Variants in SPG11 observed in about 807,000 individuals in gnomAD.
SPG11 encodes SPG11 vesicle trafficking associated, spatacsin, also known as spatacsin.
Under a neutral mutation model 274.0 loss-of-function variants are expected in SPG11, and 222 were observed. The ratio of observed to expected loss-of-function variants is 0.81; its 90% CI spans 0.73 to 0.91. SPG11 has a LOEUF of 0.91. Among genes scored for constraint, SPG11 ranks in the 40% least tolerant of loss-of-function variants. The pLI is 0.00. For missense variants in SPG11, 3,114 were observed against 2,872.7 expected (o/e 1.08, Z -1.92); for synonymous variants, 1,144 against 1,039.7 (o/e 1.10, Z -1.93).
intron 22 of SPG11, 114 bp from the exon 23 acceptor site, chr15:44,598,487 A>C: frequency 8.0e-7 from 1 of 1,243,520 alleles, no homozygotes; most frequent in Non-Finnish European, 1.2e-6. Flanking sequence ...AGTGCCCAAG[A>C]AAGTGAGACA....
chr15:44,663,352 T>G, intron 1 of SPG11, 39 bp downstream of exon 1: 1 of 1,592,752 alleles, frequency 6.3e-7, no homozygotes. Flanking sequence ...GCCTAGGCTC[T>G]GGACTCCCCC....
Position 44,646,799 on chromosome 15 carries a change from G to C in SPG11, c.1602+2067C>G, listed in dbSNP as rs147232308. On this transcript the variant is annotated intron_variant, in intron 7 of 39. Transcript: ENST00000261866. ...ACAGTACACATGAACAAAAAGAAGA[G>C]AACAACAGACACTGGGGCTTACTTG... Among the ~76,000 whole-genome samples the C allele has an allele frequency of 3.7e-3, 569 of 152,192 alleles. 4 individuals are homozygous for C. Among genetic ancestry groups the C allele is most frequent in the Admixed American group, 6.1e-3 (93 of 15,280 alleles).
chr15:44,570,372 G>C (rs1398306363), intron 34 of SPG11, among the ~76,000 whole-genome samples, 153 bp downstream of exon 34: 1 of 152,214 alleles, frequency 6.6e-6, no homozygotes, highest in East Asian at 1.9e-4. Context: ...TTGGAGCAGA[G>C]GGTTGGGCTG....
intron 30 of SPG11, among the ~76,000 whole-genome samples, chr15:44,582,483 G>C (rs757763178): frequency 6.6e-6 from 1 of 152,208 alleles, no homozygotes; most frequent in Non-Finnish European, 1.5e-5. Context: ...GAAAGGCAGA[G>C]GTTGCAGTGA....
chr15:44,564,946 C>T (rs1290532328), intron 38 of SPG11, among the ~76,000 whole-genome samples: 2 of 152,192 alleles, frequency 1.3e-5, no homozygotes, highest in African/African-American at 4.8e-5. Context: ...CTATGTTGCC[C>T]AGGCTGGACC....
At chr15:44,658,901 A>G (rs899375067) in intron 3 of SPG11, among the ~76,000 whole-genome samples, 178 bp downstream of exon 3, 3 of 152,254 alleles carry the variant, frequency 2.0e-5, no homozygotes, top group Non-Finnish European at 4.4e-5. Context: ...CTAAAATATA[A>G]AGCAATATAC....
At chr15:44,585,603 A>T (rs951023819) in intron 29 of SPG11, 33 bp downstream of exon 29, 6 of 130,452 alleles carry the variant, frequency 4.6e-5, no homozygotes, top group South Asian at 1.9e-4. Context: ...CCCCGTATCT[A>T]AAAAAAAAAA....
At chr15:44,623,783 G>T (rs2083820626) in intron 11 of SPG11, among the ~76,000 whole-genome samples, 1 of 151,888 alleles carries the variant, frequency 6.6e-6, no homozygotes, top group Admixed American at 6.6e-5. Context: ...TTGAGACAGG[G>T]TCTCGCTCTG....
intron 20 of SPG11, among the ~76,000 whole-genome samples, chr15:44,601,030 T>C (rs2083172744): frequency 6.6e-6 from 1 of 152,110 alleles, no homozygotes; most frequent in African/African-American, 2.4e-5. Flanking sequence ...TGCATGCCTG[T>C]AATCCCAGCT....
At position 44,563,221 on chromosome 15, in the gene SPG11, T is replaced by C; in HGVS notation, c.7232A>G (p.Tyr2411Cys). 1 of 1,614,144 alleles carries C rather than the reference T, an allele frequency of 6.2e-7. No individual in the cohort carries two copies. Among genetic ancestry groups the C allele is most frequent in the Non-Finnish European group, 8.5e-7 (1 of 1,179,954 alleles). ...CTTGTGTTCGTATGCCAACTTGTAA[T>C]ACAGGTAAACATCTTCACAATATGT... ...LLTYCEDVYLYYKLAYEHKFY... is the reference protein window; with the variant it reads ...LLTYCEDVYLCYKLAYEHKFY... Residue 2411 changes from tyrosine (Y) to cysteine (C), a missense_variant, in exon 40 of 40, where the codon TAT becomes TGT. Transcript: ENST00000261866.
At chr15:44,624,341 A>G (rs199713659) in intron 11 of SPG11, among the ~76,000 whole-genome samples, 10 of 151,908 alleles carry the variant, frequency 6.6e-5, no homozygotes, top group East Asian at 3.9e-4. Context: ...AGAAAAAAAA[A>G]AGAGAGAGAG....
At position 44,596,925 on chromosome 15, in the gene SPG11, G is replaced by T; in HGVS notation, c.4020C>A (p.Ser1340Arg). The T allele has an allele frequency of 6.2e-7, 1 of 1,613,942 alleles. No homozygotes were observed. Among genetic ancestry groups the T allele is most frequent in the South Asian group, 1.1e-5 (1 of 91,068 alleles). Residue 1340 changes from serine (S) to arginine (R), a missense_variant, in exon 24 of 40, where the codon AGC becomes AGA. Coordinates refer to ENST00000261866, the MANE Select transcript of SPG11 (RefSeq NM_025137.4). ...ACTGCACCACTAATGCCCATTGGCT[G>T]CTAGATTCACTGGATAACCTATAAT... Reference protein sequence around the residue: ...QEIKRLSSESSSQWALVVQFC... With the variant: ...QEIKRLSSESRSQWALVVQFC...
At chr15:44,575,186 C>T (rs749091540) in intron 30 of SPG11, 145 bp from the exon 31 acceptor site, 52 of 967,522 alleles carry the variant, frequency 5.4e-5, no homozygotes, top group Non-Finnish European at 7.5e-5. Flanking sequence ...GCTGACAGGG[C>T]CCCACCTCAA....
intron 30 of SPG11, 134 bp from the exon 31 acceptor site, chr15:44,575,175 T>A: frequency 9.1e-7 from 1 of 1,096,204 alleles, no homozygotes; most frequent in East Asian, 2.6e-5. Context: ...ATAGGACCAC[T>A]GCTGACAGGG....
intron 4 of SPG11, among the ~76,000 whole-genome samples, chr15:44,654,020 G>T (rs1404171949): frequency 1.3e-5 from 2 of 152,120 alleles, no homozygotes; most frequent in African/African-American, 4.8e-5. Flanking sequence ...GTGGTGCAAT[G>T]ACAGCTCACT....
chr15:44,628,546 C>G, intron 10 of SPG11, 123 bp downstream of exon 10: 1 of 953,986 alleles, frequency 1.0e-6, no homozygotes. Context: ...CCGATAAAAC[C>G]TAAAACCTTT....
intron 30 of SPG11, among the ~76,000 whole-genome samples, chr15:44,579,627 T>A (rs2082620033): frequency 6.7e-6 from 1 of 148,640 alleles, no homozygotes; most frequent in Non-Finnish European, 1.5e-5. Context: ...AATGTTAAAA[T>A]CATCTGACAA....
At chr15:44,587,892 G>T (rs1203650818) in intron 28 of SPG11, among the ~76,000 whole-genome samples, 1 of 151,802 alleles carries the variant, frequency 6.6e-6, no homozygotes, top group Non-Finnish European at 1.5e-5. Flanking sequence ...ATTCATTTTT[G>T]AAAAAAATTA....
intron 25 of SPG11, 35 bp downstream of exon 25, chr15:44,596,048 C>G (rs1464600085): frequency 6.2e-7 from 1 of 1,611,742 alleles, no homozygotes; most frequent in South Asian, 1.1e-5. Flanking sequence ...CTATTGTTCT[C>G]TGGGTACTTA....
Sources: gnomAD v4.1 joint callset for allele counts (sites outside exome capture counted in the v4.1 genomes callset) on GRCh38, gnomAD v4.1.1 for gene constraint, MANE v1.5 for transcripts, NCBI Gene and HGNC (gene_info 2026-07-23, HGNC 2026-07-21) for gene names.